PRDM16: variants seen among roughly 807,000 people sequenced by gnomAD.
PRDM16 encodes histone-lysine N-methyltransferase PRDM16.
A neutral mutation model predicts 110.6 loss-of-function variants in PRDM16; 23 were observed. The ratio of observed to expected loss-of-function variants is 0.21; its 90% confidence interval spans 0.15 to 0.29. The LOEUF (loss-of-function observed/expected upper bound fraction) is 0.29. Among genes scored for constraint, PRDM16 ranks in the 10% least tolerant of loss-of-function variants. The pLI is 1.00. For missense variants in PRDM16, 1,615 were observed against 1,794.3 expected (o/e 0.90, Z 1.81); for synonymous variants, 799 against 781.8 (o/e 1.02, Z -0.37).
chr1:3,135,001 A>G (rs868854573), intron 1 of PRDM16, among the ~76,000 whole-genome samples: 1 of 152,188 alleles, frequency 6.6e-6, no homozygotes, highest in African/African-American at 2.4e-5. Flanking sequence ...TGGGCCTGGG[A>G]GGCCCTCCTG....
In PRDM16 at chr1:3,253,363, C is replaced by T. The variant is rs562793617; in HGVS notation, c.438+9226C>T. 3.0e-4 allele frequency among the ~76,000 whole-genome samples: 37 copies of T among 121,816 alleles called. 1 individual carries two copies. Among genetic ancestry groups the T allele is most frequent in the Admixed American group, 1.7e-4 (2 of 11,634 alleles). The allele number at this position is 121,816 out of a possible 152,430, so 79.9% of individuals were successfully genotyped here. A position where few individuals can be genotyped will look rare whatever the true frequency, so the allele number is the denominator to read the frequency against. On this transcript the variant is annotated intron_variant, in intron 3 of 16. Transcript: ENST00000270722. ...CTAATGCTATCCCTCCCCCCCTCCC[C>T]CCACCCCACAACAGTCCCCAGAGTG...
At chr1:3,236,558 G>C (rs773254144) in intron 2 of PRDM16, among the ~76,000 whole-genome samples, 1 of 152,174 alleles carries the variant, frequency 6.6e-6, no homozygotes, top group African/African-American at 2.4e-5. Context: ...TGGGCCCCAC[G>C]CCGGTGGGTG....
chr1:3,077,537 G>T (rs1416141800), intron 1 of PRDM16, among the ~76,000 whole-genome samples: 1 of 152,266 alleles, frequency 6.6e-6, no homozygotes, highest in East Asian at 1.9e-4. Flanking sequence ...GGACCTGGAA[G>T]GTCCACCAGG....
At chr1:3,138,420 T>C (rs1340248426) in intron 1 of PRDM16, among the ~76,000 whole-genome samples, 1 of 152,212 alleles carries the variant, frequency 6.6e-6, no homozygotes, top group Non-Finnish European at 1.5e-5. Flanking sequence ...CCCCCTGTGG[T>C]GTCATGGCTG....
chr1:3,298,996 G>A (rs991655179), intron 3 of PRDM16, among the ~76,000 whole-genome samples: 23 of 152,344 alleles, frequency 1.5e-4, no homozygotes, highest in African/African-American at 2.6e-4. Context: ...TACAGGATCC[G>A]TAAATGGACT....
At chr1:3,424,279 C>T (rs983551749) in intron 12 of PRDM16, among the ~76,000 whole-genome samples, 8 of 152,234 alleles carry the variant, frequency 5.3e-5, no homozygotes, top group Admixed American at 2.0e-4. Context: ...TTCTCAGCCC[C>T]GCTCTCTAAA....
chr1:3,405,088 A>G (rs1643537766), intron 7 of PRDM16, among the ~76,000 whole-genome samples: 1 of 152,120 alleles, frequency 6.6e-6, no homozygotes, highest in East Asian at 1.9e-4. Context: ...CCCCCAGGTC[A>G]GAAGGATCAG....
At chr1:3,153,124 T>C (rs1569703098) in intron 1 of PRDM16, among the ~76,000 whole-genome samples, 1 of 152,108 alleles carries the variant, frequency 6.6e-6, no homozygotes, top group Admixed American at 6.5e-5. Flanking sequence ...GGAACAGGGG[T>C]TGCCCCCACC....
chr1:3,229,869 C>T (rs369502288), intron 2 of PRDM16, among the ~76,000 whole-genome samples: 109 of 152,328 alleles, frequency 7.2e-4, no homozygotes, highest in African/African-American at 2.4e-3. Flanking sequence ...GTGGTTTGCT[C>T]TCTTCCTTAG....
At chr1:3,197,093 C>T (rs1023166510) in intron 2 of PRDM16, among the ~76,000 whole-genome samples, 2 of 152,196 alleles carry the variant, frequency 1.3e-5, no homozygotes, top group African/African-American at 2.4e-5. Context: ...CACGCGCCCC[C>T]GGGCATGGAG....
intron 1 of PRDM16, among the ~76,000 whole-genome samples, chr1:3,099,628 G>T (rs183379311): frequency 1.3e-3 from 204 of 152,334 alleles, no homozygotes; most frequent in African/African-American, 4.6e-3. Flanking sequence ...TCCCAGGCCT[G>T]CCAGCACGTG....
intron 3 of PRDM16, among the ~76,000 whole-genome samples, chr1:3,300,091 CTGTGATGTTT>C (rs1641175800): frequency 1.1e-5 from 1 of 94,778 alleles, no homozygotes; most frequent in Admixed American, 1.3e-4. Flanking sequence ...TATGCTGTGG[CTGTGATGTTT>C]CAGATCCCAG....
chr1:3,266,315 G>A (rs879656163), intron 3 of PRDM16, among the ~76,000 whole-genome samples: 13 of 152,206 alleles, frequency 8.5e-5, no homozygotes, highest in East Asian at 1.9e-4. Context: ...CAGGAGAGCC[G>A]GGCAGGGGTG....
chr1:3,429,427 A>G (rs1423127379), intron 14 of PRDM16, among the ~76,000 whole-genome samples: 1 of 152,252 alleles, frequency 6.6e-6, no homozygotes, highest in Non-Finnish European at 1.5e-5. Flanking sequence ...TGGGAAGCCC[A>G]TGCAAACCCA....
At chr1:3,144,566 G>T (rs1397616845) in intron 1 of PRDM16, among the ~76,000 whole-genome samples, 1 of 152,324 alleles carries the variant, frequency 6.6e-6, no homozygotes, top group Non-Finnish European at 1.5e-5. Context: ...GCCATGAGCT[G>T]TGTGAAGCCC....
At chr1:3,426,301 C>A in intron 14 of PRDM16, 76 bp downstream of exon 14, 1 of 1,249,212 alleles carries the variant, frequency 8.0e-7, no homozygotes, top group Non-Finnish European at 1.1e-6. Flanking sequence ...AGAGGACATG[C>A]ACCTCCACCC....
At chr1:3,287,996 C>G (rs1454677485) in intron 3 of PRDM16, among the ~76,000 whole-genome samples, 1 of 152,266 alleles carries the variant, frequency 6.6e-6, no homozygotes, top group Non-Finnish European at 1.5e-5. Context: ...ACAGGCAGAG[C>G]CCTGGGCTCA....
intron 8 of PRDM16, among the ~76,000 whole-genome samples, chr1:3,409,259 G>T (rs1224197678): frequency 6.6e-6 from 1 of 152,010 alleles, no homozygotes; most frequent in Non-Finnish European, 1.5e-5. Context: ...CACAGCCAGG[G>T]TGTGCTTGTT....
chr1:3,249,066 C>T (rs1307281183), intron 3 of PRDM16, among the ~76,000 whole-genome samples: 1 of 152,234 alleles, frequency 6.6e-6, no homozygotes, highest in African/African-American at 2.4e-5. Flanking sequence ...AGTTTGTGAG[C>T]AGGATATACC....
Sources: gnomAD v4.1 joint callset for allele counts (sites outside exome capture counted in the v4.1 genomes callset) on GRCh38, gnomAD v4.1.1 for gene constraint, MANE v1.5 for transcripts, NCBI Gene and HGNC (gene_info 2026-07-23, HGNC 2026-07-21) for gene names.